Variants in NME9 observed in about 807,000 individuals in gnomAD.
NME9 encodes NME/NM23 family member 9.
Under a neutral mutation model 44.4 loss-of-function variants are expected in NME9, and 48 were observed. That is an observed-to-expected ratio of 1.08 (90% CI 0.86 to 1.37). The LOEUF (loss-of-function observed/expected upper bound fraction) is 1.37, where lower values mean the gene tolerates loss of function less well. Among genes scored for constraint, NME9 ranks in the 40% most tolerant of loss-of-function variants. NME9 has a pLI of 0.00. For synonymous variants in NME9, 139 were observed against 147.1 expected, an observed-to-expected ratio of 0.94 and a Z score of 0.40; for missense variants, 325 against 405.2, an observed-to-expected ratio of 0.80 and a Z score of 1.70.
intron 8 of NME9, chr3:138,288,989 A>C: frequency 3.4e-6 from 5 of 1,476,424 alleles, no homozygotes; most frequent in Non-Finnish European, 4.7e-6. Context: ...CCCCCCAAAA[A>C]AAAATCTAAA....
intron 8 of NME9, among the ~76,000 whole-genome samples, chr3:138,277,504 C>A (rs2049413628): frequency 6.6e-6 from 1 of 152,162 alleles, no homozygotes; most frequent in Non-Finnish European, 1.5e-5. Flanking sequence ...AGATATCTGA[C>A]AAATGACTTG....
rs74335559 is a variant in NME9, at chr3:138,304,747, T to G, written c.791+126A>C. The stretch of plus-strand genomic sequence containing the variant: ...TGTCAGGGTCTCCCCAAATATATAA[T>G]AGAGAGCCTGGCCATCAGAGAGTCC... On this transcript the variant is annotated intron_variant, in intron 9 of 10. Coordinates refer to ENST00000333911, the MANE Select transcript of NME9 (RefSeq NM_001349018.2). 12,537 of 949,016 alleles carry G rather than the reference T, an allele frequency of 0.013. 1,044 individuals carry two copies. The African/African-American group carries it at 0.18, about 13-fold the overall frequency. The allele number at this position is 949,016 out of a possible 1,614,324, so 58.8% of individuals were successfully genotyped here. A position where few individuals can be genotyped will look rare whatever the true frequency, so the allele number is the denominator to read the frequency against.
chr3:138,305,149 C>T, intron 8 of NME9, 122 bp from the exon 9 acceptor site: 1 of 914,440 alleles, frequency 1.1e-6, no homozygotes, highest in South Asian at 1.6e-5. Context: ...TACCAGCCAG[C>T]ATGCCCGTGG....
At chr3:138,301,923 C>T (rs927446421) in intron 10 of NME9, among the ~76,000 whole-genome samples, 5 of 152,200 alleles carry the variant, frequency 3.3e-5, no homozygotes, top group African/African-American at 1.2e-4. Context: ...GCTTTACATC[C>T]TGTCTTTCAT....
chr3:138,279,690 G>GT (rs2049685014), intron 8 of NME9, among the ~76,000 whole-genome samples: 1 of 152,154 alleles, frequency 6.6e-6, no homozygotes, highest in African/African-American at 2.4e-5. Flanking sequence ...GTGGAAAGGT[G>GT]TTTAACTACA....
chr3:138,284,157 C>G (rs1241421122), intron 8 of NME9, among the ~76,000 whole-genome samples: 1 of 152,130 alleles, frequency 6.6e-6, no homozygotes, highest in African/African-American at 2.4e-5. Flanking sequence ...ATAGTATGAC[C>G]TATACAAAAT....
At chr3:138,267,041 G>A (rs941147583) in intron 8 of NME9, 5 of 616,700 alleles carry the variant, frequency 8.1e-6, no homozygotes, top group East Asian at 6.0e-5. Context: ...TCTCCAATAC[G>A]AAGAATCAGG....
chr3:138,306,902 A>G (rs1274521147), intron 6 of NME9, among the ~76,000 whole-genome samples: 1 of 152,150 alleles, frequency 6.6e-6, no homozygotes, highest in Non-Finnish European at 1.5e-5. Context: ...GAGCATGGGC[A>G]ATACAGGCCT....
chr3:138,289,112 A>G, intron 8 of NME9: 1 of 1,612,616 alleles, frequency 6.2e-7, no homozygotes, highest in Non-Finnish European at 8.5e-7. Flanking sequence ...ATATGGAATG[A>G]AGAGGAAGGT....
chr3:138,278,364 G>A (rs2049515636), intron 8 of NME9, among the ~76,000 whole-genome samples: 2 of 151,942 alleles, frequency 1.3e-5, no homozygotes, highest in Admixed American at 1.3e-4. Context: ...AAATTAGCCA[G>A]GTATGGTCAC....
Position 138,329,542 on chromosome 3 carries a change from G to T in NME9, c.-207C>A. On this transcript the variant is annotated 5_prime_UTR_variant, in exon 1 of 11. Transcript: ENST00000333911. ...AGTGAACACCCCGCGAGGAAGCGGAGCCTGCAGTCCACGGGCTCGTGGCTC... is the reference window on the plus strand; with the variant it reads ...AGTGAACACCCCGCGAGGAAGCGGATCCTGCAGTCCACGGGCTCGTGGCTC... 1 of 1,370,268 alleles carries T rather than the reference G, an allele frequency of 7.3e-7. No homozygotes were observed. Among genetic ancestry groups the T allele is most frequent in the Non-Finnish European group, 9.4e-7 (1 of 1,065,090 alleles). The allele number at this position is 1,370,268 out of a possible 1,614,324, so 84.9% of individuals were successfully genotyped here.
intron 1 of NME9, among the ~76,000 whole-genome samples, chr3:138,326,727 G>A (rs147599004): frequency 5.7e-4 from 87 of 151,850 alleles, no homozygotes; most frequent in African/African-American, 1.8e-3. Flanking sequence ...GAGCCAGCAC[G>A]CCTGGCCTAC....
intron 8 of NME9, among the ~76,000 whole-genome samples, chr3:138,278,921 T>A (rs550996662): frequency 7.9e-5 from 12 of 152,046 alleles, no homozygotes; most frequent in Non-Finnish European, 1.8e-4. Flanking sequence ...AAAGTCACTT[T>A]AAGTTATTTT....
intron 8 of NME9, among the ~76,000 whole-genome samples, chr3:138,276,851 C>T (rs557330204): frequency 1.1e-4 from 16 of 152,284 alleles, no homozygotes; most frequent in Non-Finnish European, 1.5e-4. Flanking sequence ...CAAGCACAAT[C>T]ACAGCATGTT....
chr3:138,267,276 A>C, intron 8 of NME9: 1 of 1,313,072 alleles, frequency 7.6e-7, no homozygotes, highest in Non-Finnish European at 1.1e-6. Flanking sequence ...GACTTTGCCC[A>C]GTCCAGCTAG....
intron 2 of NME9, among the ~76,000 whole-genome samples, chr3:138,322,382 AG>A (rs1470725635): frequency 4.2e-3 from 9 of 2,136 alleles, no homozygotes; most frequent in African/African-American, 0.023. Flanking sequence ...GGTGGGGGGT[AG>A]GGGGTGGGAG....
intron 8 of NME9, among the ~76,000 whole-genome samples, chr3:138,268,413 T>G (rs1451602724): frequency 6.6e-6 from 1 of 152,174 alleles, no homozygotes; most frequent in Non-Finnish European, 1.5e-5. Context: ...GGTCTTGGCC[T>G]GATGATAATC....
chr3:138,303,788 C>T, intron 9 of NME9, 145 bp from the exon 10 acceptor site: 2 of 723,214 alleles, frequency 2.8e-6, no homozygotes, highest in Non-Finnish European at 4.5e-6. Context: ...CCAAGAACAG[C>T]AGCAATGATA....
intron 6 of NME9, among the ~76,000 whole-genome samples, chr3:138,308,980 A>G (rs2052495624): frequency 6.6e-6 from 1 of 151,024 alleles, no homozygotes; most frequent in African/African-American, 2.4e-5. Flanking sequence ...CTGTCATCCA[A>G]GAATACTGTA....
Sources: allele counts gnomAD v4.1 joint callset (sites outside exome capture counted in the v4.1 genomes callset), GRCh38; gene constraint gnomAD v4.1.1; transcripts MANE v1.5; gene names NCBI Gene and HGNC (gene_info 2026-07-23, HGNC 2026-07-21).